The following PRCD variants were observed in gnomAD, a reference collection of about 807,000 sequenced individuals.
PRCD encodes photoreceptor disc component.
Under a neutral mutation model 10.1 loss-of-function variants are expected in PRCD, and 12 were observed. That is an observed-to-expected ratio of 1.18 (90% CI 0.76 to 1.92). PRCD has a LOEUF of 1.92. Ranked by LOEUF, PRCD falls within the 40% of genes most tolerant of loss-of-function variation. PRCD has a pLI of 0.00. For synonymous variants in PRCD, 31 were observed against 26.2 expected, an observed-to-expected ratio of 1.18 and a Z score of -0.56; for missense variants, 61 against 72.2, an observed-to-expected ratio of 0.84 and a Z score of 0.56.
At chr17:76,529,048 C>T (rs1255478862) in intron 1 of PRCD, 2 of 431,216 alleles carry the variant, frequency 4.6e-6, no homozygotes, top group African/African-American at 2.3e-5. Flanking sequence ...CATTGCGCCC[C>T]CCCCCCACCC....
At chr17:76,552,878 AAAAAT>A (rs1567917427) in intron 1 of PRCD, 16 of 124,096 alleles carry the variant, frequency 1.3e-4, no homozygotes, top group Admixed American at 5.5e-4. Flanking sequence ...AAAAAAAAAA[AAAAAT>A]ATATATATAT....
chr17:76,548,636 T>C (rs567079072), downstream of PRCD, among the ~76,000 whole-genome samples: 6 of 152,360 alleles, frequency 3.9e-5, no homozygotes, highest in South Asian at 1.2e-3. Flanking sequence ...AGAGGACTAA[T>C]GATCTCCTCA....
At chr17:76,527,987 G>A (rs1017413398) in intron 1 of PRCD, 2 of 361,388 alleles carry the variant, frequency 5.5e-6, no homozygotes, top group Middle Eastern at 9.8e-4. Flanking sequence ...GGTCCTCTGC[G>A]CTGCTGTGGG....
At chr17:76,538,424 C>T (rs543366924), upstream of PRCD, 138 of 446,684 alleles carry the variant, frequency 3.1e-4, 6 homozygotes, top group South Asian at 2.2e-3. Flanking sequence ...CCCTCTCCTT[C>T]CGCCCAGCAC....
intron 1 of PRCD, chr17:76,551,582 A>C (rs950914341): frequency 2.0e-5 from 3 of 150,994 alleles, no homozygotes; most frequent in Admixed American, 1.3e-4. Flanking sequence ...TTAAATTTTT[A>C]TATTTTTACT....
upstream of PRCD, among the ~76,000 whole-genome samples, chr17:76,539,456 G>A (rs887753226): frequency 4.6e-5 from 7 of 152,170 alleles, no homozygotes; most frequent in Non-Finnish European, 7.3e-5. Context: ...TGAAGAGGGC[G>A]TGTAATCAGA....
chr17:76,527,646 G>T (rs1206063313), upstream of PRCD: 1 of 453,918 alleles, frequency 2.2e-6, no homozygotes, highest in Non-Finnish European at 4.4e-6. Context: ...TCGGCCCTCG[G>T]AGCTGAGGGT....
chr17:76,528,083 T>G lies in PRCD; in HGVS notation n.45+250T>G, dbSNP rs1006437856. Reference sequence around the variant, plus strand: ...CACAGGTGGGCCAAACCGAGGCTTCTGGGCGCCGCGGATACACATTCTAGA... The same window carrying G: ...CACAGGTGGGCCAAACCGAGGCTTCGGGGCGCCGCGGATACACATTCTAGA... On this transcript the variant is annotated intron_variant and non_coding_transcript_variant, in intron 1 of 4. Coordinates refer to the PRCD transcript ENST00000397633. The surrounding 1 kb of genome is among the most constrained non-coding windows in gnomAD (Gnocchi z 5.8). 1.3e-5 allele frequency: 5 copies of G among 372,318 alleles called. No homozygotes were observed. Among genetic ancestry groups the G allele is most frequent in the Non-Finnish European group, 2.0e-5 (4 of 200,542 alleles). 23.1% of individuals were successfully genotyped at this position (372,318 alleles called of 1,614,324 possible). A position where few individuals can be genotyped will look rare whatever the true frequency, so the allele number is the denominator to read the frequency against.
chr17:76,538,286 G>A (rs749909444), upstream of PRCD: 13 of 193,046 alleles, frequency 6.7e-5, no homozygotes, highest in Non-Finnish European at 1.2e-4. Context: ...GGGCCGCGGC[G>A]CCACTCCCAC....
At chr17:76,532,334 C>T (rs2074854891) in intron 1 of PRCD, among the ~76,000 whole-genome samples, 1 of 152,120 alleles carries the variant, frequency 6.6e-6, no homozygotes, top group Admixed American at 6.5e-5. Flanking sequence ...CTTTCTACTA[C>T]CCTTTTCCTG....
downstream of PRCD, chr17:76,545,805 G>A (rs1223827406): frequency 2.6e-5 from 5 of 193,116 alleles, no homozygotes; most frequent in African/African-American, 1.2e-4. Context: ...GGTTTGAACT[G>A]TAAATTACTG....
intron 4 of PRCD, chr17:76,543,463 T>A (rs2075015741): frequency 5.9e-6 from 2 of 341,120 alleles, no homozygotes; most frequent in African/African-American, 4.3e-5. Context: ...CATTCTGTAA[T>A]TTAATCTTCA....
chr17:76,538,734 G>C (rs141727306), upstream of PRCD, among the ~76,000 whole-genome samples: 475 of 152,338 alleles, frequency 3.1e-3, 5 homozygotes, highest in Non-Finnish European at 2.1e-3. Flanking sequence ...GGCCAGAGGT[G>C]GGGGGAGAAT....
At position 76,540,786 on chromosome 17, in the gene PRCD, G is replaced by T. The variant is rs2074983123; in HGVS notation, c.143+213G>T. Among the ~76,000 whole-genome samples the T allele has an allele frequency of 6.6e-6, 1 of 152,210 alleles. No homozygotes were observed. The highest frequency in any genetic ancestry group is 2.1e-4 in the South Asian group (1 of 4,834). ...TGGGAACCCTCAGCTCGCTCCTCTG[G>T]ACCAAAGCCGCTGTGCCTCTCATCT... On this transcript the variant is annotated intron_variant, in intron 2 of 4. Coordinates refer to ENST00000592014, the MANE Select transcript of PRCD (RefSeq NM_001077620.3). The surrounding 1 kb of genome is among the most constrained non-coding windows in gnomAD (Gnocchi z 5.0).
At chr17:76,538,578 G>A (rs1340007001), upstream of PRCD, 1 of 454,330 alleles carries the variant, frequency 2.2e-6, no homozygotes, top group Non-Finnish European at 4.6e-6. Flanking sequence ...GCACCGGATA[G>A]GGCAGACAGG....
chr17:76,551,949 T>G (rs2075112432), intron 1 of PRCD: 1 of 152,080 alleles, frequency 6.6e-6, no homozygotes, highest in Admixed American at 6.6e-5. Context: ...GTCATGAGAA[T>G]CAGATGAGAC....
intron 1 of PRCD, chr17:76,552,066 T>G (rs1156336625): frequency 1.3e-5 from 2 of 152,258 alleles, no homozygotes; most frequent in Non-Finnish European, 2.9e-5. Context: ...GCTCATTTTC[T>G]GTATTCTGCC....
At chr17:76,552,221 G>A (rs922860838) in intron 1 of PRCD, 1 of 151,920 alleles carries the variant, frequency 6.6e-6, no homozygotes, top group East Asian at 1.9e-4. Context: ...TTGAGATGGA[G>A]TCTCGCTCTG....
chr17:76,551,537 A>G (rs1379449040), intron 1 of PRCD: 1 of 152,132 alleles, frequency 6.6e-6, no homozygotes, highest in Non-Finnish European at 1.5e-5. Flanking sequence ...AGAAAGTTAA[A>G]GCTCGGTGAA....
Sources: allele counts gnomAD v4.1 joint callset (sites outside exome capture counted in the v4.1 genomes callset), GRCh38; gene constraint gnomAD v4.1.1; non-coding constraint Gnocchi (gnomAD v3.1); transcripts MANE v1.5; gene names NCBI Gene and HGNC (gene_info 2026-07-23, HGNC 2026-07-21).